Variants in DNAJC15 observed in about 807,000 individuals in gnomAD.
DNAJC15 encodes dnaJ homolog subfamily C member 15.
In DNAJC15, 27 loss-of-function variants were observed where a neutral mutation model predicts 22.4. That is an observed-to-expected ratio of 1.20 (90% confidence interval 0.89 to 1.66). DNAJC15 has a LOEUF of 1.66. DNAJC15 is among the 40% of genes most tolerant of loss of function. The pLI is 0.00. For synonymous variants in DNAJC15, 79 were observed against 63.2 expected (o/e 1.25, Z -1.19); for missense variants, 208 against 187.1 (o/e 1.11, Z -0.65).
intron 5 of DNAJC15, 23 bp from the exon 6 acceptor site, chr13:43,107,155 T>C: frequency 6.5e-7 from 1 of 1,540,230 alleles, no homozygotes; most frequent in Non-Finnish European, 8.7e-7. Context: ...TGTATTTTAA[T>C]TCATTTTTCT....
intron 5 of DNAJC15, among the ~76,000 whole-genome samples, chr13:43,086,568 A>ATC (rs1317605291): frequency 3.3e-5 from 5 of 152,236 alleles, no homozygotes; most frequent in Admixed American, 1.3e-4. Flanking sequence ...ATTCCTCTCC[A>ATC]TCCTAACCAG....
intron 1 of DNAJC15, among the ~76,000 whole-genome samples, chr13:43,030,829 A>G (rs1593307980): frequency 6.6e-6 from 1 of 152,326 alleles, no homozygotes; most frequent in Non-Finnish European, 1.5e-5. Context: ...TACTTAGTAA[A>G]TGTCTTTTCA....
At chr13:43,053,532 A>G (rs915794927) in intron 1 of DNAJC15, among the ~76,000 whole-genome samples, 2 of 152,166 alleles carry the variant, frequency 1.3e-5, no homozygotes, top group African/African-American at 4.8e-5. Context: ...CTATCCATCC[A>G]TGGGCATGTG....
intron 3 of DNAJC15, among the ~76,000 whole-genome samples, chr13:43,072,059 G>T (rs376768815): frequency 6.6e-6 from 1 of 152,132 alleles, no homozygotes; most frequent in African/African-American, 2.4e-5. Context: ...CTGAACTCCC[G>T]CATTCCTGCA....
In DNAJC15 at chr13:43,085,831, A is replaced by T. The variant is rs375767738; in HGVS notation, c.375A>T (p.Pro125=). The T allele has an allele frequency of 1.9e-6, 3 of 1,613,052 alleles. No individual in the cohort carries two copies. The South Asian group carries it at 3.3e-5, about 18-fold the overall frequency. ...AHRRVMILNH[P]DKGGSPYVAA... is the part of the protein sequence containing the mutation. ...GGAGAGTCATGATTTTGAATCACCC[A>T]GATAAAGGTAGGTAGAATTCCTATT... The change falls in exon 5 of 6, where the codon CCA becomes CCT. Residue 125 remains proline, a synonymous_variant. Transcript: ENST00000379221.
chr13:43,100,605 T>C (rs943149174), intron 5 of DNAJC15, among the ~76,000 whole-genome samples: 6 of 152,208 alleles, frequency 3.9e-5, no homozygotes, highest in African/African-American at 1.4e-4. Context: ...TATTCATGTT[T>C]AATACATTCT....
Position 43,024,893 on chromosome 13 carries a change from T to TAAAAAAAA in DNAJC15, c.108+1170_108+1177dup, listed in dbSNP as rs34398144. 3.0e-4 allele frequency among the ~76,000 whole-genome samples: 26 copies of TAAAAAAAA among 85,950 alleles called. 2 individuals carry two copies. Among genetic ancestry groups the TAAAAAAAA allele is most frequent in the African/African-American group, 4.6e-4 (10 of 21,706 alleles). The allele number at this position is 85,950 out of a possible 152,430, so 56.4% of individuals were successfully genotyped here. A position where few individuals can be genotyped will look rare whatever the true frequency, so the allele number is the denominator to read the frequency against. On this transcript the variant is annotated intron_variant, in intron 1 of 5. Coordinates refer to ENST00000379221, the MANE Select transcript of DNAJC15 (RefSeq NM_013238.3). Reference sequence around the variant, plus strand: ...GCAACACAGGAGACCCCATCTCTGCTAAAAAAAAAAAAAAAAAATTAGCTG... The same window carrying TAAAAAAAA: ...GCAACACAGGAGACCCCATCTCTGCTAAAAAAAAAAAAAAAAAAAAAAAAAATTAGCTG...
At chr13:43,085,937 TTG>T (rs1160524401) in intron 5 of DNAJC15, 99 bp downstream of exon 5, 1 of 1,076,492 alleles carries the variant, frequency 9.3e-7, no homozygotes, top group Non-Finnish European at 1.4e-6. Context: ...AGATGGAAGT[TTG>T]TGCGCCACAT....
At chr13:43,103,496 C>T (rs2040781225) in intron 5 of DNAJC15, among the ~76,000 whole-genome samples, 1 of 152,238 alleles carries the variant, frequency 6.6e-6, no homozygotes, top group South Asian at 2.1e-4. Flanking sequence ...ATGGAACACA[C>T]TTTAAATAGC....
intron 5 of DNAJC15, among the ~76,000 whole-genome samples, chr13:43,101,326 G>A (rs905729324): frequency 6.6e-6 from 1 of 152,176 alleles, no homozygotes. Flanking sequence ...ACTGTACCTG[G>A]CTGGGTCATG....
chr13:43,045,127 T>C (rs1183607860), intron 1 of DNAJC15, among the ~76,000 whole-genome samples: 1 of 152,232 alleles, frequency 6.6e-6, no homozygotes, highest in Non-Finnish European at 1.5e-5. Context: ...CTCTTCCTGC[T>C]GTATGCACAC....
chr13:43,043,489 G>A, intron 1 of DNAJC15, among the ~76,000 whole-genome samples: 1 of 152,174 alleles, frequency 6.6e-6, no homozygotes, highest in East Asian at 1.9e-4. Flanking sequence ...GTACTTAAAA[G>A]ATCATTCTTG....
intron 1 of DNAJC15, among the ~76,000 whole-genome samples, chr13:43,028,850 C>G (rs900269875): frequency 2.0e-5 from 3 of 152,030 alleles, no homozygotes; most frequent in African/African-American, 7.3e-5. Context: ...TTGTTTTATA[C>G]TGTGTGTTTC....
At chr13:43,060,676 T>C (rs1010550462) in intron 1 of DNAJC15, among the ~76,000 whole-genome samples, 1 of 152,170 alleles carries the variant, frequency 6.6e-6, no homozygotes, top group African/African-American at 2.4e-5. Context: ...CAACTGTTTG[T>C]TGAAGAAGGA....
intron 1 of DNAJC15, among the ~76,000 whole-genome samples, chr13:43,056,431 C>G (rs975452240): frequency 1.3e-5 from 2 of 152,190 alleles, no homozygotes; most frequent in Non-Finnish European, 2.9e-5. Flanking sequence ...ACCACTGTGC[C>G]CAGCTGAGAC....
At chr13:43,042,141 C>T (rs1203520896) in intron 1 of DNAJC15, among the ~76,000 whole-genome samples, 2 of 152,198 alleles carry the variant, frequency 1.3e-5, no homozygotes, top group African/African-American at 4.8e-5. Context: ...CCTACAGATA[C>T]AGTATTGTTT....
At chr13:43,038,085 TACAAATAAA>T (rs1418208286) in intron 1 of DNAJC15, among the ~76,000 whole-genome samples, 1 of 152,360 alleles carries the variant, frequency 6.6e-6, no homozygotes, top group East Asian at 1.9e-4. Flanking sequence ...TTTTTTGTAT[TACAAATAAA>T]ACACAGTGAT....
chr13:43,099,114 T>C (rs2040754726), intron 5 of DNAJC15, among the ~76,000 whole-genome samples: 1 of 152,004 alleles, frequency 6.6e-6, no homozygotes, highest in South Asian at 2.1e-4. Context: ...TGGACTTCTT[T>C]TGTTAAGTTT....
In DNAJC15 at chr13:43,099,069, T is replaced by C. The variant is rs60737595; in HGVS notation, c.383-8109T>C. On this transcript the variant is annotated intron_variant, in intron 5 of 5. Coordinates refer to ENST00000379221, the MANE Select transcript of DNAJC15 (RefSeq NM_013238.3). Reference sequence around the variant, plus strand: ...TTTATTTAGATCTTCCTTAATTTCTTTCAACAGTGTTTTGTAGTTTACAAG... The same window carrying C: ...TTTATTTAGATCTTCCTTAATTTCTCTCAACAGTGTTTTGTAGTTTACAAG... 0.017 allele frequency among the ~76,000 whole-genome samples: 2,614 copies of C among 152,310 alleles called. 233 individuals are homozygous for C. In the East Asian group the frequency reaches 0.26, roughly 15 times the overall value.
Sources: gnomAD v4.1 joint callset for allele counts (sites outside exome capture counted in the v4.1 genomes callset) on GRCh38, gnomAD v4.1.1 for gene constraint, MANE v1.5 for transcripts, NCBI Gene and HGNC (gene_info 2026-07-23, HGNC 2026-07-21) for gene names.